The following PDE7A variants were observed in gnomAD, a reference collection of about 807,000 sequenced individuals.
PDE7A encodes phosphodiesterase 7A.
Under a neutral mutation model 64.3 loss-of-function variants are expected in PDE7A, and 39 were observed. The ratio of observed to expected loss-of-function variants is 0.61; its 90% CI spans 0.47 to 0.79. The LOEUF is 0.79. PDE7A is among the 30% of genes least tolerant of loss of function. The probability of loss-of-function intolerance (pLI) is 0.00; values close to 1 mark genes in which losing one functional copy is unlikely to be tolerated. For missense variants in PDE7A, 470 were observed against 582.8 expected (o/e 0.81, Z 1.99); for synonymous variants, 203 against 206.8 (o/e 0.98, Z 0.16).
intron 3 of PDE7A, among the ~76,000 whole-genome samples, chr8:65,763,599 G>C (rs899626539): frequency 1.3e-5 from 2 of 152,090 alleles, no homozygotes; most frequent in Non-Finnish European, 2.9e-5. Context: ...TTATTGTTAT[G>C]GGTTAGGCAT....
At chr8:65,813,878 C>A (rs1291250535) in intron 1 of PDE7A, among the ~76,000 whole-genome samples, 1 of 152,194 alleles carries the variant, frequency 6.6e-6, no homozygotes, top group African/African-American at 2.4e-5. Flanking sequence ...TTCTCTTCTT[C>A]AACTGTCAAT....
chr8:65,826,421 A>G (rs1025772494), intron 1 of PDE7A, among the ~76,000 whole-genome samples: 1 of 152,232 alleles, frequency 6.6e-6, no homozygotes, highest in African/African-American at 2.4e-5. Flanking sequence ...TCTATCTTTG[A>G]AACCAAACAC....
intron 7 of PDE7A, among the ~76,000 whole-genome samples, chr8:65,734,117 G>A (rs55776446): frequency 0.15 from 23,319 of 152,018 alleles, 2,426 homozygotes; most frequent in Non-Finnish European, 0.23. Flanking sequence ...TTAATACCAC[G>A]GATCCAAAAT....
intron 1 of PDE7A, among the ~76,000 whole-genome samples, chr8:65,808,295 T>C (rs1810158547): frequency 6.6e-6 from 1 of 152,204 alleles, no homozygotes; most frequent in African/African-American, 2.4e-5. Context: ...CAAATCTACC[T>C]TCTTATTCCC....
chr8:65,742,323 T>G (rs1807477571), intron 5 of PDE7A, among the ~76,000 whole-genome samples: 1 of 152,208 alleles, frequency 6.6e-6, no homozygotes, highest in Admixed American at 6.5e-5. Context: ...AGTGTCCTCA[T>G]GAACCAGGTG....
At chr8:65,749,893 C>T (rs1456844611) in intron 3 of PDE7A, among the ~76,000 whole-genome samples, 1 of 152,154 alleles carries the variant, frequency 6.6e-6, no homozygotes, top group Non-Finnish European at 1.5e-5. Flanking sequence ...GTCTTTATTT[C>T]AGATGAAGAT....
At chr8:65,781,674 T>C (rs1036000261) in intron 2 of PDE7A, among the ~76,000 whole-genome samples, 6 of 152,164 alleles carry the variant, frequency 3.9e-5, no homozygotes, top group East Asian at 1.9e-4. Flanking sequence ...AGTGGAGTTA[T>C]ATTTACTGAG....
chr8:65,726,822 CAACTT>C lies in PDE7A; in HGVS notation c.920+48_920+52del, dbSNP rs1198545238. On this transcript the variant is annotated intron_variant, in intron 9 of 12. Transcript: ENST00000401827. ...TTAAAACTTTATAAAATTACTTTGC[CAACTT>C]AACTTCTATAACCAGTAACAAATTA... The C allele has an allele frequency of 7.6e-6, 7 of 921,478 alleles. No homozygotes were observed. In the East Asian group the frequency reaches 9.8e-5, roughly 13 times the overall value. The allele number at this position is 921,478 out of a possible 1,614,324, so 57.1% of individuals were successfully genotyped here. A position where few individuals can be genotyped will look rare whatever the true frequency, so the allele number is the denominator to read the frequency against.
chr8:65,721,436 C>T (rs1806372740), intron 12 of PDE7A, among the ~76,000 whole-genome samples: 1 of 152,162 alleles, frequency 6.6e-6, no homozygotes, highest in Admixed American at 6.5e-5. Context: ...AAGCCCAACA[C>T]CAACAGCTGT....
At chr8:65,760,548 A>C (rs1563493358) in intron 3 of PDE7A, among the ~76,000 whole-genome samples, 2 of 152,226 alleles carry the variant, frequency 1.3e-5, no homozygotes, top group Non-Finnish European at 2.9e-5. Flanking sequence ...AAAGAAAATT[A>C]GAGAGATTTC....
At chr8:65,751,769 G>A (rs1195170775) in intron 3 of PDE7A, among the ~76,000 whole-genome samples, 1 of 152,146 alleles carries the variant, frequency 6.6e-6, no homozygotes, top group Non-Finnish European at 1.5e-5. Context: ...TGGGATTACA[G>A]GCGTGAGCCA....
At chr8:65,734,972 T>C in intron 6 of PDE7A, 78 bp from the exon 7 acceptor site, 2 of 893,378 alleles carry the variant, frequency 2.2e-6, no homozygotes, top group Non-Finnish European at 3.7e-6. Flanking sequence ...TAATTATGAG[T>C]TACCCACTCA....
At chr8:65,818,157 T>C (rs1810460498) in intron 1 of PDE7A, among the ~76,000 whole-genome samples, 1 of 152,212 alleles carries the variant, frequency 6.6e-6, no homozygotes, top group Non-Finnish European at 1.5e-5. Context: ...CACATATTTA[T>C]AGTAATTTAA....
intron 1 of PDE7A, among the ~76,000 whole-genome samples, chr8:65,835,701 T>C (rs1810935338): frequency 6.6e-6 from 1 of 152,244 alleles, no homozygotes; most frequent in Non-Finnish European, 1.5e-5. Context: ...CCTCTCTTCC[T>C]AACTTCTGTG....
At chr8:65,745,609 C>A (rs1341391988) in intron 4 of PDE7A, 139 bp from the exon 5 acceptor site, 3 of 596,248 alleles carry the variant, frequency 5.0e-6, no homozygotes, top group Non-Finnish European at 6.0e-6. Flanking sequence ...TTCTTTTAAT[C>A]ATGACTTTTT....
chr8:65,766,610 G>A (rs1293018202), intron 3 of PDE7A, among the ~76,000 whole-genome samples: 5 of 152,184 alleles, frequency 3.3e-5, no homozygotes, highest in Non-Finnish European at 5.9e-5. Context: ...CAGCATTGAC[G>A]TCAGTCTCTT....
intron 7 of PDE7A, 89 bp downstream of exon 7, chr8:65,734,705 C>T: frequency 1.3e-6 from 1 of 744,380 alleles, no homozygotes; most frequent in Non-Finnish European, 2.4e-6. Context: ...GATTTTCAGT[C>T]AAAGCAGTAA....
At chr8:65,784,072 G>A (rs919205137) in intron 1 of PDE7A, among the ~76,000 whole-genome samples, 2 of 152,116 alleles carry the variant, frequency 1.3e-5, no homozygotes, top group African/African-American at 2.4e-5. Flanking sequence ...GGCCAGGCAT[G>A]GTGGCACACA....
chr8:65,719,236 A>G lies in PDE7A; in HGVS notation c.*54T>C. The G allele has an allele frequency of 1.6e-6, 2 of 1,250,768 alleles. No individual in the cohort carries two copies. Among genetic ancestry groups the G allele is most frequent in the Non-Finnish European group, 1.2e-6 (1 of 849,514 alleles). 77.5% of individuals were successfully genotyped at this position (1,250,768 alleles called of 1,614,324 possible). On this transcript the variant is annotated 3_prime_UTR_variant, in exon 13 of 13. Coordinates refer to ENST00000401827, the MANE Select transcript of PDE7A (RefSeq NM_001242318.3). ...TTAAGTTCTCTCACCTCAAGACCCC[A>G]TTTCACATTTCTAAAAACCTCCAGG... is the stretch of plus-strand genomic sequence containing the variant.
Sources: allele counts gnomAD v4.1 joint callset (sites outside exome capture counted in the v4.1 genomes callset), GRCh38; gene constraint gnomAD v4.1.1; transcripts MANE v1.5; gene names NCBI Gene and HGNC (gene_info 2026-07-23, HGNC 2026-07-21).